USH2A: variants seen among roughly 807,000 people sequenced by gnomAD.
The protein encoded by USH2A is usherin.
In USH2A, 443 loss-of-function variants were observed where a neutral mutation model predicts 538.9. That is an observed-to-expected ratio of 0.82 (90% confidence interval 0.76 to 0.89). USH2A has a LOEUF of 0.89. Ranked by LOEUF, USH2A falls within the 40% of genes least tolerant of loss-of-function variation. USH2A has a pLI of 0.00. For synonymous variants in USH2A, 2,413 were observed against 2,273.5 expected, an observed-to-expected ratio of 1.06 and a Z score of -1.75; for missense variants, 6,633 against 6,324.8, an observed-to-expected ratio of 1.05 and a Z score of -1.65.
chr1:216,080,732 G>A (rs2031915514), intron 26 of USH2A, among the ~76,000 whole-genome samples: 1 of 151,034 alleles, frequency 6.6e-6, no homozygotes, highest in African/African-American at 2.4e-5. Flanking sequence ...TGTAGAACAA[G>A]TTCTTACAGA....
rs139070449 is a variant in USH2A, at chr1:215,670,854, A to G, written c.14133+118T>C. 316 of 1,020,704 alleles carry G rather than the reference A, an allele frequency of 3.1e-4. No homozygotes were observed. In the African/African-American group the frequency reaches 4.7e-3, roughly 15 times the overall value. The allele number at this position is 1,020,704 out of a possible 1,614,324, so 63.2% of individuals were successfully genotyped here. ...TTAAAAATTTTTAAGGAATATTATT[A>G]TTCTCCTTAAGTCCTACATTTCTTT... On this transcript the variant is annotated intron_variant, in intron 64 of 71. Transcript: ENST00000307340.
chr1:215,752,105 G>C (rs1446823581), intron 58 of USH2A, among the ~76,000 whole-genome samples: 1 of 152,028 alleles, frequency 6.6e-6, no homozygotes, highest in Non-Finnish European at 1.5e-5. Context: ...CTCTCTCTTT[G>C]TGTGTATGTC....
At chr1:215,901,123 C>A in intron 38 of USH2A, 1 of 593,054 alleles carries the variant, frequency 1.7e-6, no homozygotes, top group Non-Finnish European at 3.0e-6. Context: ...TAAAAGCCGG[C>A]CCCCAAACAG....
chr1:216,136,959 T>C (rs895068688), intron 21 of USH2A, among the ~76,000 whole-genome samples: 1 of 152,200 alleles, frequency 6.6e-6, no homozygotes, highest in African/African-American at 2.4e-5. Context: ...TAAACTTCTA[T>C]GGTTTAAGCT....
In USH2A at chr1:216,014,557, G is replaced by A. The variant is rs144400295; in HGVS notation, c.6326-13995C>T. ...CACAAATCTGAGTTGGGTAAATGGA[G>A]GGTGGGGAAACCCTGAAAACATAAG... On this transcript the variant is annotated intron_variant, in intron 32 of 71. Coordinates refer to ENST00000307340, the MANE Select transcript of USH2A (RefSeq NM_206933.4). 2.7e-3 allele frequency among the ~76,000 whole-genome samples: 416 copies of A among 152,336 alleles called. 1 individual carries two copies. Among genetic ancestry groups the A allele is most frequent in the African/African-American group, 9.2e-3 (382 of 41,574 alleles).
rs2102565308 is a variant in USH2A at position 216,089,101 on chromosome 1, G to T, written c.4797C>A (p.Gly1599=). 1.9e-6 allele frequency: 3 copies of T among 1,613,240 alleles called. No individual in the cohort carries two copies. The highest frequency in any genetic ancestry group is 1.1e-5 in the South Asian group (1 of 91,062). The change falls in exon 23 of 72, where the codon GGC becomes GGA. Residue 1599 remains glycine (G), a synonymous_variant. Coordinates refer to ENST00000307340, the MANE Select transcript of USH2A (RefSeq NM_206933.4). The part of the protein sequence containing the change: ...PVEVTTTNDH[G]KQYSDGKWHE... ...GCCATTTTCCATCACTATATTGTTT[G>T]CCATGATCATTAGTTGTAGTTACTT...
intron 30 of USH2A, among the ~76,000 whole-genome samples, chr1:216,050,592 C>CTTTCT (rs1212775725): frequency 2.4e-5 from 2 of 82,970 alleles, no homozygotes; most frequent in African/African-American, 5.2e-5. Context: ...TTCTTTCTTT[C>CTTTCT]TTTCTTTCTT....
At chr1:216,330,922 T>C (rs2037847896) in intron 4 of USH2A, among the ~76,000 whole-genome samples, 1 of 152,056 alleles carries the variant, frequency 6.6e-6, no homozygotes, top group Non-Finnish European at 1.5e-5. Flanking sequence ...CCCTATATTT[T>C]AATAATAGCT....
intron 4 of USH2A, among the ~76,000 whole-genome samples, chr1:216,355,195 C>T (rs1344943364): frequency 4.6e-5 from 7 of 151,624 alleles, no homozygotes; most frequent in African/African-American, 1.2e-4. Flanking sequence ...CTCAGCTACT[C>T]GGGAGGCTGA....
At position 215,743,893 on chromosome 1, in the gene USH2A, T is replaced by C. The variant is rs149234791; in HGVS notation, c.11390-558A>G. ...TAGCAATTAAAAGCTTCACAAAAGTTAAGTTGGCAAATATTAGATTGTGTA... is the reference window on the plus strand; with the variant it reads ...TAGCAATTAAAAGCTTCACAAAAGTCAAGTTGGCAAATATTAGATTGTGTA... On this transcript the variant is annotated intron_variant, in intron 58 of 71. Transcript: ENST00000307340. Among the ~76,000 whole-genome samples the C allele has an allele frequency of 5.0e-3, 758 of 152,126 alleles. 9 individuals are homozygous for C. Among genetic ancestry groups the C allele is most frequent in the African/African-American group, 0.017 (725 of 41,508 alleles).
intron 12 of USH2A, among the ~76,000 whole-genome samples, chr1:216,249,778 A>G (rs370680452): frequency 9.9e-5 from 15 of 152,276 alleles, no homozygotes; most frequent in African/African-American, 3.4e-4. Context: ...TAAATAAAAG[A>G]TAAAGAATTA....
chr1:215,951,073 A>G (rs896668447), intron 37 of USH2A, among the ~76,000 whole-genome samples: 6 of 151,850 alleles, frequency 4.0e-5, no homozygotes, highest in Non-Finnish European at 1.5e-5. Context: ...CTCTGATCTT[A>G]GTTATTTCTT....
intron 61 of USH2A, among the ~76,000 whole-genome samples, chr1:215,710,442 C>A (rs1659306877): frequency 6.6e-6 from 1 of 152,142 alleles, no homozygotes; most frequent in Non-Finnish European, 1.5e-5. Context: ...CATTCTAGTA[C>A]AAGCAGGGGC....
intron 15 of USH2A, among the ~76,000 whole-genome samples, chr1:216,217,031 G>A (rs1315368146): frequency 6.6e-6 from 1 of 151,926 alleles, no homozygotes; most frequent in African/African-American, 2.4e-5. Flanking sequence ...TTGTGTCGGT[G>A]ACCAACTGTT....
intron 32 of USH2A, among the ~76,000 whole-genome samples, chr1:216,019,562 A>C (rs775670090): frequency 5.4e-4 from 82 of 152,312 alleles, no homozygotes; most frequent in Admixed American, 9.8e-4. Flanking sequence ...AAAACGAGAA[A>C]TCTGTGTTTA....
At chr1:215,796,217 T>G (rs2102775841) in intron 50 of USH2A, among the ~76,000 whole-genome samples, 1 of 152,236 alleles carries the variant, frequency 6.6e-6, no homozygotes, top group Non-Finnish European at 1.5e-5. Flanking sequence ...TATCACAGGC[T>G]TACTTCACGT....
chr1:216,231,281 A>C (rs2035683473), intron 14 of USH2A, among the ~76,000 whole-genome samples: 1 of 123,566 alleles, frequency 8.1e-6, no homozygotes. Flanking sequence ...TAATATATAT[A>C]CACAGAGAGA....
chr1:215,988,326 C>T (rs756239313), intron 35 of USH2A, among the ~76,000 whole-genome samples: 12 of 152,120 alleles, frequency 7.9e-5, no homozygotes, highest in Admixed American at 1.3e-4. Flanking sequence ...ACCATAATCT[C>T]CTCAAGTTTC....
At chr1:216,305,882 GT>G (rs1398277515) in intron 9 of USH2A, among the ~76,000 whole-genome samples, 10 of 152,158 alleles carry the variant, frequency 6.6e-5, no homozygotes, top group Non-Finnish European at 1.3e-4. Flanking sequence ...GAAATCTGCT[GT>G]TAATCTGACA....
Sources: gnomAD v4.1 joint callset for allele counts (sites outside exome capture counted in the v4.1 genomes callset) on GRCh38, gnomAD v4.1.1 for gene constraint, MANE v1.5 for transcripts, NCBI Gene and HGNC (gene_info 2026-07-23, HGNC 2026-07-21) for gene names.